Variants in MMP26 observed in about 807,000 individuals in gnomAD.
The protein encoded by MMP26 is matrix metallopeptidase 26, also known as matrix metalloproteinase-26.
MMP26 carries 33 observed loss-of-function variants against 31.0 expected under a neutral mutation model. The ratio of observed to expected loss-of-function variants is 1.06; its 90% CI spans 0.81 to 1.42. The LOEUF is 1.42. MMP26 is among the 40% of genes most tolerant of loss of function. The pLI is 0.00. For missense variants in MMP26, 347 were observed against 316.1 expected (o/e 1.10, Z -0.74); for synonymous variants, 122 against 114.9 (o/e 1.06, Z -0.40).
At chr11:4,848,959 C>G in intron 2 of MMP26, 2 of 1,614,052 alleles carry the variant, frequency 1.2e-6, no homozygotes, top group Non-Finnish European at 1.7e-6. Context: ...GGCATCAGGG[C>G]AGTGACCAAT....
chr11:4,715,230 G>C (rs1320795630), intron 1 of MMP26, among the ~76,000 whole-genome samples: 1 of 151,318 alleles, frequency 6.6e-6, no homozygotes, highest in African/African-American at 2.4e-5. Flanking sequence ...ACTTAATTTT[G>C]TTAGAGAGGT....
At chr11:4,730,404 A>AAGAGAGAGGG (rs1554927962) in intron 1 of MMP26, among the ~76,000 whole-genome samples, 1 of 144,952 alleles carries the variant, frequency 6.9e-6, no homozygotes, top group Admixed American at 6.9e-5. Flanking sequence ...GTTTCTGGGA[A>AAGAGAGAGGG]AGAGAGAGAG....
In MMP26 at chr11:4,989,752, A is replaced by G; in HGVS notation, c.204A>G (p.Leu68=). Reference sequence around the variant, plus strand: ...AATTCCATCGGAATGGGACAGACCTACTTGACATGCAGATGCATGCTCTGC... The same window carrying G: ...AATTCCATCGGAATGGGACAGACCTGCTTGACATGCAGATGCATGCTCTGC... ...LQQFHRNGTD[L]LDMQMHALLH... is the part of the protein sequence containing the mutation. Residue 68 remains leucine (L), a synonymous_variant, in exon 4 of 8, where the codon CTA becomes CTG. Coordinates refer to ENST00000380390, the MANE Select transcript of MMP26 (RefSeq NM_021801.5). 1 of 1,614,040 alleles carries G rather than the reference A, an allele frequency of 6.2e-7. No individual in the cohort carries two copies. Among genetic ancestry groups the G allele is most frequent in the Non-Finnish European group, 8.5e-7 (1 of 1,180,030 alleles).
At chr11:4,856,707 C>G (rs1406615301) in intron 2 of MMP26, among the ~76,000 whole-genome samples, 1 of 152,186 alleles carries the variant, frequency 6.6e-6, no homozygotes, top group African/African-American at 2.4e-5. Flanking sequence ...GAACTCAGCT[C>G]TGCACCAAGC....
At chr11:4,982,181 A>C (rs973517112) in intron 2 of MMP26, among the ~76,000 whole-genome samples, 11 of 152,216 alleles carry the variant, frequency 7.2e-5, no homozygotes, top group East Asian at 5.8e-4. Flanking sequence ...AGTGTAGTAA[A>C]TACATACACC....
intron 2 of MMP26, among the ~76,000 whole-genome samples, chr11:4,893,069 A>G (rs1045492777): frequency 2.0e-5 from 3 of 151,970 alleles, no homozygotes; most frequent in South Asian, 2.1e-4. Context: ...TCTCAACTCC[A>G]TTCTATATGC....
chr11:4,846,533 T>C lies in MMP26; in HGVS notation c.-145+79192T>C, dbSNP rs188312260. 2.6e-4 allele frequency among the ~76,000 whole-genome samples: 39 copies of C among 152,224 alleles called. No individual in the cohort carries two copies. The East Asian group carries it at 7.1e-3, about 28-fold the overall frequency. On this transcript the variant is annotated intron_variant, in intron 2 of 7. Transcript: ENST00000380390. ...TAGTCAATAATAACTTAATCACACGTTTTAAGATATCTAAAGGAATGTAAT... is the reference window on the plus strand; with the variant it reads ...TAGTCAATAATAACTTAATCACACGCTTTAAGATATCTAAAGGAATGTAAT...
chr11:4,979,683 C>A (rs1413327158), intron 2 of MMP26, among the ~76,000 whole-genome samples: 2 of 152,042 alleles, frequency 1.3e-5, no homozygotes, highest in African/African-American at 2.4e-5. Flanking sequence ...CCTTTTAATG[C>A]ACTTGTGTGG....
intron 2 of MMP26, among the ~76,000 whole-genome samples, chr11:4,772,101 C>T (rs1236726723): frequency 1.3e-5 from 2 of 152,150 alleles, no homozygotes; most frequent in Non-Finnish European, 2.9e-5. Flanking sequence ...TTATGTCTCT[C>T]TGCAGCCAAA....
chr11:4,768,782 C>T (rs922212778), intron 2 of MMP26, among the ~76,000 whole-genome samples: 9 of 152,116 alleles, frequency 5.9e-5, no homozygotes, highest in African/African-American at 2.2e-4. Context: ...TTGTTATTTT[C>T]CTAATTCCAC....
chr11:4,758,897 A>T (rs1039423419), intron 1 of MMP26, among the ~76,000 whole-genome samples: 3 of 152,002 alleles, frequency 2.0e-5, no homozygotes, highest in Non-Finnish European at 4.4e-5. Flanking sequence ...AGATCACCTG[A>T]GGTCACGAGT....
At chr11:4,759,111 CAAAAAAAAAAA>C (rs989730402) in intron 1 of MMP26, among the ~76,000 whole-genome samples, 6 of 43,188 alleles carry the variant, frequency 1.4e-4, no homozygotes, top group African/African-American at 4.1e-4. Context: ...CATTCCATCT[CAAAAAAAAAAA>C]AAAAAAAAAA....
intron 2 of MMP26, among the ~76,000 whole-genome samples, chr11:4,859,299 T>C (rs763050286): frequency 1.2e-4 from 18 of 152,202 alleles, no homozygotes; most frequent in Non-Finnish European, 2.1e-4. Flanking sequence ...ATTTTATGAA[T>C]AAACATACAT....
At chr11:4,860,487 G>A (rs1338928766) in intron 2 of MMP26, 18 of 471,000 alleles carry the variant, frequency 3.8e-5, no homozygotes, top group Admixed American at 2.1e-4. Flanking sequence ...CCAACCATGG[G>A]TTCTTGTCTG....
intron 2 of MMP26, among the ~76,000 whole-genome samples, chr11:4,964,906 G>T (rs1007918057): frequency 6.6e-6 from 1 of 152,136 alleles, no homozygotes; most frequent in African/African-American, 2.4e-5. Context: ...AACACACACT[G>T]GGACCTGTTG....
At chr11:4,775,772 A>AAGAGAG (rs58462157) in intron 2 of MMP26, among the ~76,000 whole-genome samples, 1 of 144,084 alleles carries the variant, frequency 6.9e-6, no homozygotes, top group Admixed American at 6.8e-5. Flanking sequence ...GAGAGAGAGA[A>AAGAGAG]AGAGAGAGAG....
Position 4,759,108 on chromosome 11 carries a change from T to C in MMP26, c.-216-8162T>C, listed in dbSNP as rs1207656728. Among the ~76,000 whole-genome samples the C allele has an allele frequency of 1.6e-4, 12 of 76,714 alleles. No homozygotes were observed. In the East Asian group the frequency reaches 3.6e-3, roughly 23 times the overall value. The allele number at this position is 76,714 out of a possible 152,430, so 50.3% of individuals were successfully genotyped here. A position where few individuals can be genotyped will look rare whatever the true frequency, so the allele number is the denominator to read the frequency against. On this transcript the variant is annotated intron_variant, in intron 1 of 7. Transcript: ENST00000380390. ...CCTGGGCAACAAGAGTGACATTCCATCTCAAAAAAAAAAAAAAAAAAAAAA... is the reference window on the plus strand; with the variant it reads ...CCTGGGCAACAAGAGTGACATTCCACCTCAAAAAAAAAAAAAAAAAAAAAA...
At chr11:4,813,316 A>G (rs1589908698) in intron 2 of MMP26, among the ~76,000 whole-genome samples, 1 of 152,222 alleles carries the variant, frequency 6.6e-6, no homozygotes, top group East Asian at 1.9e-4. Flanking sequence ...TTATTGAAAA[A>G]TTGATAAAGA....
At chr11:4,746,831 TCACACA>T (rs3223670) in intron 1 of MMP26, among the ~76,000 whole-genome samples, 18,650 of 137,076 alleles carry the variant, frequency 0.14, 1,314 homozygotes, top group Middle Eastern at 0.21. Flanking sequence ...TAAGTCTCTG[TCACACA>T]CACACACACA....
Sources: allele counts gnomAD v4.1 joint callset (sites outside exome capture counted in the v4.1 genomes callset), GRCh38; gene constraint gnomAD v4.1.1; transcripts MANE v1.5; gene names NCBI Gene and HGNC (gene_info 2026-07-23, HGNC 2026-07-21).